The following SNX5 variants were observed in gnomAD, a reference collection of about 807,000 sequenced individuals.
SNX5 encodes the protein sorting nexin-5.
A neutral mutation model predicts 53.9 loss-of-function variants in SNX5; 31 were observed. The observed-to-expected ratio is 0.58, with a 90% CI of 0.43 to 0.78. SNX5 has a LOEUF of 0.78. Among genes scored for constraint, SNX5 ranks in the 30% least tolerant of loss-of-function variants. The probability of loss-of-function intolerance (pLI) is 0.00; values close to 1 mark genes in which losing one functional copy is unlikely to be tolerated. For missense variants in SNX5, 471 were observed against 478.8 expected (o/e 0.98, Z 0.15); for synonymous variants, 168 against 171.1 (o/e 0.98, Z 0.14).
intron 4 of SNX5, among the ~76,000 whole-genome samples, chr20:17,953,291 G>T (rs139098698): frequency 6.6e-6 from 1 of 152,322 alleles, no homozygotes; most frequent in East Asian, 1.9e-4. Context: ...GCTGATGGTT[G>T]AAGAGGGGAG....
At chr20:17,967,938 C>T (rs528392979) in intron 1 of SNX5, 81 of 397,472 alleles carry the variant, frequency 2.0e-4, no homozygotes, top group Non-Finnish European at 3.2e-4. Flanking sequence ...GGGCCCCCCC[C>T]CCAAAAAAGT....
chr20:17,952,477 T>C lies in SNX5; in HGVS notation c.513+110A>G, dbSNP rs75648701. On this transcript the variant is annotated intron_variant, in intron 5 of 12. Transcript: ENST00000377759. ...GAAGGAAAAGCAGCATCTAAAAAGGTTTCCATTGTGTAAGAAATTCAAAAC... is the reference window on the plus strand; with the variant it reads ...GAAGGAAAAGCAGCATCTAAAAAGGCTTCCATTGTGTAAGAAATTCAAAAC... 1.4e-3 allele frequency: 1,512 copies of C among 1,094,810 alleles called. 11 individuals are homozygous for C. The African/African-American group carries it at 0.021, about 15-fold the overall frequency. 67.8% of individuals were successfully genotyped at this position (1,094,810 alleles called of 1,614,324 possible). A position where few individuals can be genotyped will look rare whatever the true frequency, so the allele number is the denominator to read the frequency against.
intron 11 of SNX5, among the ~76,000 whole-genome samples, chr20:17,946,777 C>G (rs79858473): frequency 0.094 from 14,377 of 152,168 alleles, 857 homozygotes; most frequent in Middle Eastern, 0.15. Flanking sequence ...AATTGCCTCA[C>G]CACAGATTGA....
Position 17,942,326 on chromosome 20 carries a change from A to C in SNX5, c.*31T>G. 2 of 1,465,176 alleles carry C rather than the reference A, an allele frequency of 1.4e-6. No homozygotes were observed. The highest frequency in any genetic ancestry group is 1.9e-6 in the Non-Finnish European group (2 of 1,044,644). 90.8% of individuals were successfully genotyped at this position (1,465,176 alleles called of 1,614,324 possible). The stretch of plus-strand genomic sequence containing the variant: ...CAAGTGATGCTTGGCTTTCTTTCAC[A>C]TTCATTTCTTTTCTTCTGAGTGAAG... On this transcript the variant is annotated 3_prime_UTR_variant, in exon 13 of 13. Transcript: ENST00000377759.
chr20:17,956,693 AAAAAAAAAAAAC>A (rs1269003226), intron 2 of SNX5, among the ~76,000 whole-genome samples: 5,035 of 138,626 alleles, frequency 0.036, 211 homozygotes, highest in Middle Eastern at 0.061. Flanking sequence ...AAAAAAAAAA[AAAAAAAAAAAAC>A]AAAAAAACAA....
chr20:17,965,818 G>T (rs1024547640), intron 1 of SNX5, among the ~76,000 whole-genome samples: 2 of 152,168 alleles, frequency 1.3e-5, no homozygotes, highest in African/African-American at 4.8e-5. Flanking sequence ...TGGGAAGCTT[G>T]ATACGTCATA....
At chr20:17,956,673 CAAAAAAA>C (rs59252584) in intron 2 of SNX5, among the ~76,000 whole-genome samples, 193 of 84,860 alleles carry the variant, frequency 2.3e-3, no homozygotes, top group African/African-American at 6.7e-3. Flanking sequence ...AGACTGTCTC[CAAAAAAA>C]AAAAAAAAAA....
intron 1 of SNX5, among the ~76,000 whole-genome samples, chr20:17,958,259 C>CA: frequency 6.6e-6 from 1 of 152,172 alleles, no homozygotes. Context: ...GTGAAGATTA[C>CA]AATTAAGAAG....
chr20:17,956,826 C>T, intron 2 of SNX5, 107 bp downstream of exon 2: 1 of 693,540 alleles, frequency 1.4e-6, no homozygotes, highest in Non-Finnish European at 2.7e-6. Flanking sequence ...ATAGTGCTAC[C>T]CTACGAATAG....
In SNX5 at chr20:17,968,558, G is replaced by T; in HGVS notation, c.-133C>A. ...TCCGCCGGCCTCCCTGCCCGACGGC[G>T]GCAGGAGGCCTCCGGACTCCGCCAC... On this transcript the variant is annotated 5_prime_UTR_variant, in exon 1 of 13. Transcript: ENST00000377759. 1 of 826,602 alleles carries T rather than the reference G, an allele frequency of 1.2e-6. No homozygotes were observed. The highest frequency in any genetic ancestry group is 1.8e-6 in the Non-Finnish European group (1 of 550,862). 51.2% of individuals were successfully genotyped at this position (826,602 alleles called of 1,614,324 possible).
chr20:17,965,744 T>C (rs1421395053), intron 1 of SNX5, among the ~76,000 whole-genome samples: 6 of 151,908 alleles, frequency 3.9e-5, no homozygotes. Flanking sequence ...AATGACCTTT[T>C]AGAGTATTCA....
At chr20:17,957,422 G>A (rs1352518691) in intron 1 of SNX5, among the ~76,000 whole-genome samples, 2 of 129,646 alleles carry the variant, frequency 1.5e-5, no homozygotes, top group Admixed American at 8.5e-5. Context: ...GCGACAGAGC[G>A]AAACTGTCTC....
intron 1 of SNX5, among the ~76,000 whole-genome samples, chr20:17,964,833 T>C (rs552183209): frequency 6.6e-6 from 1 of 152,036 alleles, no homozygotes; most frequent in Admixed American, 6.5e-5. Context: ...TAAACCAAGT[T>C]CCCCTCTGCA....
rs1368320108 is a variant in SNX5 at position 17,951,439 on chromosome 20, C to CA, written c.609+60dup. The CA allele has an allele frequency of 1.4e-5, 13 of 945,608 alleles. No homozygotes were observed. The African/African-American group carries it at 2.0e-4, about 14-fold the overall frequency. The allele number at this position is 945,608 out of a possible 1,614,324, so 58.6% of individuals were successfully genotyped here. A position where few individuals can be genotyped will look rare whatever the true frequency, so the allele number is the denominator to read the frequency against. The stretch of plus-strand genomic sequence containing the variant: ...TTCACAAGTATCTCTTTCAAAGAAA[C>CA]AAAAGGTCACCTATTCCCGATGAAG... On this transcript the variant is annotated intron_variant, in intron 6 of 12. Transcript: ENST00000377759.
rs1436275156 is a variant in SNX5 at position 17,953,992 on chromosome 20, T to C, written c.389+4A>G. 4 of 1,612,742 alleles carry C rather than the reference T, an allele frequency of 2.5e-6. No individual in the cohort carries two copies. Among genetic ancestry groups the C allele is most frequent in the Non-Finnish European group, 3.4e-6 (4 of 1,179,088 alleles). On this transcript the variant is annotated splice_donor_region_variant and intron_variant, in intron 4 of 12. Coordinates refer to ENST00000377759, the MANE Select transcript of SNX5 (RefSeq NM_014426.4). ...GACAGAGCCCACCAGGAAAATCCAC[T>C]TACGCTTCCAGTTCTTGTTTCATCT...
intron 10 of SNX5, among the ~76,000 whole-genome samples, chr20:17,948,250 A>G (rs2039513264): frequency 1.3e-5 from 2 of 152,272 alleles, no homozygotes; most frequent in South Asian, 4.1e-4. Flanking sequence ...AAATAATCGT[A>G]AGTGAGCTCT....
At chr20:17,942,467 A>G (rs1342211497) in intron 12 of SNX5, 60 bp from the exon 13 acceptor site, 1 of 1,263,842 alleles carries the variant, frequency 7.9e-7, no homozygotes, top group African/African-American at 1.5e-5. Flanking sequence ...TATACCTGGA[A>G]TGACTCAAGT....
At chr20:17,961,390 G>GT (rs890782751) in intron 1 of SNX5, 89 of 985,260 alleles carry the variant, frequency 9.0e-5, no homozygotes, top group Middle Eastern at 5.2e-4. Context: ...AAAAAATACA[G>GT]TTTTTTCTAA....
chr20:17,968,319 G>A, intron 1 of SNX5, 56 bp downstream of exon 1: 1 of 1,228,042 alleles, frequency 8.1e-7, no homozygotes, highest in Non-Finnish European at 1.0e-6. Context: ...AGAATGCAGC[G>A]ACCCCGGAGC....
Sources: gnomAD v4.1 joint callset for allele counts (sites outside exome capture counted in the v4.1 genomes callset) on GRCh38, gnomAD v4.1.1 for gene constraint, MANE v1.5 for transcripts, NCBI Gene and HGNC (gene_info 2026-07-23, HGNC 2026-07-21) for gene names.